The following SNAP25 variants were observed in gnomAD, a reference collection of about 807,000 sequenced individuals.
The protein encoded by SNAP25 is synaptosomal-associated protein 25.
Under a neutral mutation model 28.7 loss-of-function variants are expected in SNAP25, and 3 were observed. The ratio of observed to expected loss-of-function variants is 0.10; its 90% CI spans 0.05 to 0.27. The LOEUF is 0.27. Ranked by LOEUF, SNAP25 falls within the 10% of genes least tolerant of loss-of-function variation. SNAP25 has a pLI of 1.00. For missense variants in SNAP25, 117 were observed against 278.7 expected, an observed-to-expected ratio of 0.42 and a Z score of 4.13; for synonymous variants, 61 against 88.1, an observed-to-expected ratio of 0.69 and a Z score of 1.72.
intron 4 of SNAP25, among the ~76,000 whole-genome samples, chr20:10,289,179 T>TA (rs2063944760): frequency 6.6e-6 from 1 of 152,162 alleles, no homozygotes; most frequent in African/African-American, 2.4e-5. Context: ...TATACCCAGG[T>TA]ATCGGGAGAC....
At chr20:10,220,527 C>T (rs2062609238) in intron 1 of SNAP25, among the ~76,000 whole-genome samples, 2 of 152,194 alleles carry the variant, frequency 1.3e-5, no homozygotes, top group Non-Finnish European at 1.5e-5. Context: ...ACTGCAATTT[C>T]TCTTATGGCA....
At chr20:10,265,165 A>T (rs1264269584) in intron 1 of SNAP25, among the ~76,000 whole-genome samples, 1 of 152,166 alleles carries the variant, frequency 6.6e-6, no homozygotes, top group Non-Finnish European at 1.5e-5. Context: ...ATTTCCTGCT[A>T]TGAAAAGAGG....
chr20:10,259,014 GGT>G (rs1309481397), intron 1 of SNAP25, among the ~76,000 whole-genome samples: 3 of 152,178 alleles, frequency 2.0e-5, no homozygotes, highest in Non-Finnish European at 4.4e-5. Flanking sequence ...CTGCTTAGTA[GGT>G]TGGCGTATAG....
At chr20:10,297,998 A>C (rs902048954) in intron 6 of SNAP25, among the ~76,000 whole-genome samples, 1 of 151,730 alleles carries the variant, frequency 6.6e-6, no homozygotes, top group Admixed American at 6.6e-5. Context: ...AAAAAAAAAA[A>C]CTCAAGTTAC....
chr20:10,248,419 T>C (rs974263219), intron 1 of SNAP25, among the ~76,000 whole-genome samples: 1 of 152,204 alleles, frequency 6.6e-6, no homozygotes, highest in South Asian at 2.1e-4. Context: ...AAGGAAAATA[T>C]AATTAACCAT....
chr20:10,249,524 A>G (rs868525798), intron 1 of SNAP25, among the ~76,000 whole-genome samples: 46 of 152,260 alleles, frequency 3.0e-4, no homozygotes, highest in Middle Eastern at 3.4e-3. Flanking sequence ...TTACAAGAAA[A>G]AAAATAACCC....
chr20:10,225,378 C>G (rs185982411), intron 1 of SNAP25, among the ~76,000 whole-genome samples: 1 of 152,118 alleles, frequency 6.6e-6, no homozygotes, highest in Non-Finnish European at 1.5e-5. Flanking sequence ...CAGTGACTGA[C>G]TTACTGGTAA....
intron 1 of SNAP25, among the ~76,000 whole-genome samples, chr20:10,254,757 A>AG (rs1351643239): frequency 6.6e-6 from 1 of 152,176 alleles, no homozygotes; most frequent in Non-Finnish European, 1.5e-5. Flanking sequence ...CAAGGAAAAA[A>AG]CAGTTCCCCC....
chr20:10,288,065 T>C (rs982206670), intron 4 of SNAP25, among the ~76,000 whole-genome samples: 1 of 151,982 alleles, frequency 6.6e-6, no homozygotes, highest in South Asian at 2.1e-4. Context: ...TGCTAAATGA[T>C]GAGTTAATGG....
rs1568624051 is a variant in SNAP25 at position 10,293,106 on chromosome 20, T to G, written c.164-55T>G. The G allele has an allele frequency of 2.0e-6, 3 of 1,529,084 alleles. No homozygotes were observed. The highest frequency in any genetic ancestry group is 2.7e-6 in the Non-Finnish European group (3 of 1,125,494). The allele number at this position is 1,529,084 out of a possible 1,614,324, so 94.7% of individuals were successfully genotyped here. ...TGTCTGAAGTTTTGTCTTTTTTTCT[T>G]TGTCCTTTTCCATCTGCTTCATTCT... On this transcript the variant is annotated intron_variant, in intron 4 of 7. Transcript: ENST00000254976. The surrounding 1 kb of genome is among the most constrained non-coding windows in gnomAD (Gnocchi z 5.6).
intron 1 of SNAP25, among the ~76,000 whole-genome samples, chr20:10,234,185 AT>A (rs5840368): frequency 0.89 from 133,004 of 150,244 alleles, 58,909 homozygotes; most frequent in Middle Eastern, 0.94. Flanking sequence ...CTATTATTTA[AT>A]TTTTTTTTTT....
intron 1 of SNAP25, among the ~76,000 whole-genome samples, chr20:10,240,026 G>A (rs772179805): frequency 1.3e-5 from 2 of 152,314 alleles, no homozygotes; most frequent in African/African-American, 2.4e-5. Flanking sequence ...GCCCAGCATG[G>A]CAGGGCTCTC....
At chr20:10,275,790 A>G (rs1040798776) in intron 2 of SNAP25, among the ~76,000 whole-genome samples, 1 of 152,154 alleles carries the variant, frequency 6.6e-6, no homozygotes, top group Non-Finnish European at 1.5e-5. Context: ...ATTTCCAGAA[A>G]CCTTGAGAAG....
chr20:10,224,619 T>C (rs189075443), intron 1 of SNAP25, among the ~76,000 whole-genome samples: 40 of 152,098 alleles, frequency 2.6e-4, no homozygotes, highest in African/African-American at 7.7e-4. Context: ...CTGGACCCAA[T>C]TGGAAGATTA....
Position 10,293,362 on chromosome 20 carries a change from A to ATGAGCTT in SNAP25, c.281+84_281+85insTGAGCTT. The ATGAGCTT allele has an allele frequency of 1.0e-6, 1 of 977,520 alleles. No homozygotes were observed. Among genetic ancestry groups the ATGAGCTT allele is most frequent in the Non-Finnish European group, 1.6e-6 (1 of 609,190 alleles). 60.6% of individuals were successfully genotyped at this position (977,520 alleles called of 1,614,324 possible). A position where few individuals can be genotyped will look rare whatever the true frequency, so the allele number is the denominator to read the frequency against. On this transcript the variant is annotated intron_variant, in intron 5 of 7. Transcript: ENST00000254976. The surrounding 1 kb of genome is among the most constrained non-coding windows in gnomAD (Gnocchi z 5.6). ...ACAAGCTCATTCCTGCCAAGCTCAT[A>ATGAGCTT]GGCAGGATGAGCATGTGGCATGCAG...
intron 4 of SNAP25, among the ~76,000 whole-genome samples, chr20:10,286,080 A>G (rs1600758169): frequency 3.9e-5 from 6 of 152,342 alleles, no homozygotes; most frequent in Admixed American, 3.9e-4. Context: ...TTACAGTTAT[A>G]TGAAGTAAAA....
chr20:10,297,818 G>A (rs557798534), intron 6 of SNAP25, among the ~76,000 whole-genome samples: 1 of 152,296 alleles, frequency 6.6e-6, no homozygotes, highest in African/African-American at 2.4e-5. Flanking sequence ...ATAGTCATGA[G>A]GTCAGCTCCT....
chr20:10,299,143 G>T lies in SNAP25; in HGVS notation c.408-125G>T, dbSNP rs2064178022. 3 of 1,098,120 alleles carry T rather than the reference G, an allele frequency of 2.7e-6. No homozygotes were observed. In the East Asian group the frequency reaches 7.5e-5, roughly 28 times the overall value. 68.0% of individuals were successfully genotyped at this position (1,098,120 alleles called of 1,614,324 possible). A position where few individuals can be genotyped will look rare whatever the true frequency, so the allele number is the denominator to read the frequency against. ...AAAGCTAAAATGTGTTTTTGTACTG[G>T]ATGGAGATTAAAGATAGATAAAGTT... On this transcript the variant is annotated intron_variant, in intron 6 of 7. Transcript: ENST00000254976.
At chr20:10,263,056 T>C (rs2063446870) in intron 1 of SNAP25, among the ~76,000 whole-genome samples, 1 of 127,834 alleles carries the variant, frequency 7.8e-6, no homozygotes, top group African/African-American at 3.0e-5. Context: ...TCTCGCTCTG[T>C]CGCCCAGGCT....
Sources: allele counts gnomAD v4.1 joint callset (sites outside exome capture counted in the v4.1 genomes callset), GRCh38; gene constraint gnomAD v4.1.1; non-coding constraint Gnocchi (gnomAD v3.1); transcripts MANE v1.5; gene names NCBI Gene and HGNC (gene_info 2026-07-23, HGNC 2026-07-21).